The following FAM222A variants were observed in gnomAD, a reference collection of about 807,000 sequenced individuals.
FAM222A encodes protein FAM222A.
A neutral mutation model predicts 25.8 loss-of-function variants in FAM222A; 7 were observed. The ratio of observed to expected loss-of-function variants is 0.27; its 90% confidence interval spans 0.15 to 0.51. The LOEUF is 0.51. Ranked by LOEUF, FAM222A falls within the 20% of genes least tolerant of loss-of-function variation. FAM222A has a pLI of 0.97. For synonymous variants in FAM222A, 294 were observed against 298.8 expected (o/e 0.98, Z 0.17); for missense variants, 573 against 640.5 (o/e 0.89, Z 1.14).
intron 2 of FAM222A, among the ~76,000 whole-genome samples, chr12:109,764,910 G>C (rs865964346): frequency 6.6e-6 from 1 of 152,168 alleles, no homozygotes; most frequent in Non-Finnish European, 1.5e-5. Context: ...TCTCCACACC[G>C]AGTTTATTTT....
At chr12:109,762,503 C>T (rs1254365303) in intron 2 of FAM222A, among the ~76,000 whole-genome samples, 1 of 152,216 alleles carries the variant, frequency 6.6e-6, no homozygotes, top group Non-Finnish European at 1.5e-5. Context: ...AAGCCGCAGG[C>T]CCCCTCCCCA....
intron 2 of FAM222A, among the ~76,000 whole-genome samples, chr12:109,747,133 T>TG (rs896822742): frequency 2.0e-5 from 3 of 152,192 alleles, no homozygotes; most frequent in African/African-American, 7.2e-5. Context: ...TCACTCTGTT[T>TG]CCCAGGCTGG....
At chr12:109,755,617 C>T (rs939487388) in intron 2 of FAM222A, among the ~76,000 whole-genome samples, 12 of 152,164 alleles carry the variant, frequency 7.9e-5, no homozygotes, top group Admixed American at 5.2e-4. Context: ...CATGAGCCAC[C>T]GCACCCAGCC....
chr12:109,754,508 C>T (rs1888655778), intron 2 of FAM222A, among the ~76,000 whole-genome samples: 1 of 152,220 alleles, frequency 6.6e-6, no homozygotes, highest in African/African-American at 2.4e-5. Context: ...GCTTTGTGAG[C>T]CATACAGTTT....
chr12:109,752,695 T>G (rs1330273127), intron 2 of FAM222A, among the ~76,000 whole-genome samples: 3 of 152,340 alleles, frequency 2.0e-5, no homozygotes, highest in East Asian at 1.9e-4. Context: ...TCTGGCCCTC[T>G]GTGATGATAA....
At chr12:109,722,875 A>G (rs1040683947) in intron 1 of FAM222A, 1 of 152,050 alleles carries the variant, frequency 6.6e-6, no homozygotes, top group Non-Finnish European at 1.5e-5. Context: ...CGCTTTCTTG[A>G]TTTAGCTTCT....
At chr12:109,717,390 C>T (rs1023212505) in intron 1 of FAM222A, among the ~76,000 whole-genome samples, 16 of 152,184 alleles carry the variant, frequency 1.1e-4, no homozygotes, top group African/African-American at 3.9e-4. Flanking sequence ...CCCCAGGGAC[C>T]TTCTTGGGAT....
At chr12:109,716,189 C>T (rs948984344) in intron 1 of FAM222A, among the ~76,000 whole-genome samples, 3 of 152,204 alleles carry the variant, frequency 2.0e-5, no homozygotes, top group African/African-American at 7.2e-5. Context: ...AGTACTGGCA[C>T]GCTTCCCTGC....
At chr12:109,749,093 T>G (rs1888487091) in intron 2 of FAM222A, among the ~76,000 whole-genome samples, 1 of 152,110 alleles carries the variant, frequency 6.6e-6, no homozygotes, top group African/African-American at 2.4e-5. Flanking sequence ...AGGTGTTTTG[T>G]GTGTGTGTTT....
chr12:109,723,005 G>GGGA (rs1887777051), intron 1 of FAM222A, among the ~76,000 whole-genome samples: 1 of 151,618 alleles, frequency 6.6e-6, no homozygotes, highest in African/African-American at 2.4e-5. Flanking sequence ...GAGCGGGTGG[G>GGGA]GGGGGGAGGG....
intron 2 of FAM222A, among the ~76,000 whole-genome samples, chr12:109,749,774 T>A (rs1158781834): frequency 6.6e-6 from 1 of 152,220 alleles, no homozygotes; most frequent in African/African-American, 2.4e-5. Flanking sequence ...GCATAGATAT[T>A]AATAATCTTA....
chr12:109,737,432 C>T (rs941074259), intron 1 of FAM222A, among the ~76,000 whole-genome samples: 1 of 151,792 alleles, frequency 6.6e-6, no homozygotes, highest in Non-Finnish European at 1.5e-5. Context: ...CATCTTTGTC[C>T]TAGAAACCAA....
Position 109,767,844 on chromosome 12 carries a change from T to C in FAM222A, c.83-168T>C, listed in dbSNP as rs1257137377. On this transcript the variant is annotated intron_variant, in intron 2 of 2. Transcript: ENST00000538780. ...TTGTGAAAGTCCATCAAGCTTATGA[T>C]GCAGGCAGTTCCCTGCACTTTACAC... Among the ~76,000 whole-genome samples, 4 of 152,304 alleles carry C rather than the reference T, an allele frequency of 2.6e-5. No individual in the cohort carries two copies. The East Asian group carries it at 7.7e-4, about 29-fold the overall frequency.
intron 2 of FAM222A, among the ~76,000 whole-genome samples, chr12:109,755,790 G>A (rs1315328012): frequency 1.3e-5 from 2 of 152,232 alleles, no homozygotes; most frequent in East Asian, 1.9e-4. Context: ...GACCATAAAT[G>A]TAAGGGTTTA....
At chr12:109,747,565 T>A (rs1432742830) in intron 2 of FAM222A, among the ~76,000 whole-genome samples, 1 of 152,246 alleles carries the variant, frequency 6.6e-6, no homozygotes, top group Non-Finnish European at 1.5e-5. Context: ...CATTTACAGA[T>A]GAATTTAGGA....
chr12:109,760,274 C>G (rs551064173), intron 2 of FAM222A, among the ~76,000 whole-genome samples: 1 of 152,174 alleles, frequency 6.6e-6, no homozygotes, highest in Non-Finnish European at 1.5e-5. Context: ...CATACAGACC[C>G]GGAGAGCAGT....
intron 2 of FAM222A, among the ~76,000 whole-genome samples, chr12:109,746,107 T>G (rs1395530529): frequency 6.6e-6 from 1 of 152,206 alleles, no homozygotes; most frequent in Non-Finnish European, 1.5e-5. Flanking sequence ...GCATTGGATT[T>G]TGTATCATAC....
Position 109,714,243 on chromosome 12 carries a change from T to C in FAM222A, c.-701T>C. The C allele has an allele frequency of 4.9e-6, 1 of 203,264 alleles. No homozygotes were observed. Among genetic ancestry groups the C allele is most frequent in the Non-Finnish European group, 1.0e-5 (1 of 100,224 alleles). The allele number at this position is 203,264 out of a possible 1,614,324, so 12.6% of individuals were successfully genotyped here. ...CTGCCGCCGCCGCTGTTCGCCGGCT[T>C]CCCCTCCCCCCACACCCGGGGCTCA... On this transcript the variant is annotated 5_prime_UTR_variant, in exon 1 of 3. Coordinates refer to ENST00000538780, the MANE Select transcript of FAM222A (RefSeq NM_032829.3). This position sits in a 1 kb window ranked among gnomAD's most constrained non-coding sequence, Gnocchi z 4.2.
rs1413791123 is a variant in FAM222A at position 109,760,806 on chromosome 12, G to C, written c.83-7206G>C. 2.0e-5 allele frequency among the ~76,000 whole-genome samples: 3 copies of C among 152,218 alleles called. No individual in the cohort carries two copies. The East Asian group carries it at 5.8e-4, about 29-fold the overall frequency. On this transcript the variant is annotated intron_variant, in intron 2 of 2. Transcript: ENST00000538780. ...GTCAACAGAGGGTGGCGTATGAGAG[G>C]AAGCTGGGGACGCCATGTGTGGTTC...
Sources: allele counts gnomAD v4.1 joint callset (sites outside exome capture counted in the v4.1 genomes callset), GRCh38; gene constraint gnomAD v4.1.1; non-coding constraint Gnocchi (gnomAD v3.1); transcripts MANE v1.5; gene names NCBI Gene and HGNC (gene_info 2026-07-23, HGNC 2026-07-21).